The following WFDC8 variants were observed in gnomAD, a reference collection of about 807,000 sequenced individuals.
WFDC8 encodes WAP four-disulfide core domain protein 8.
In WFDC8, 24 loss-of-function variants were observed where a neutral mutation model predicts 27.0. That is an observed-to-expected ratio of 0.89 (90% CI 0.64 to 1.25). The LOEUF (loss-of-function observed/expected upper bound fraction) is 1.25, where lower values mean the gene tolerates loss of function less well. WFDC8 is among the 50% of genes most tolerant of loss of function. The pLI, the probability that WFDC8 is intolerant of heterozygous loss-of-function variation, is 0.00. For missense variants in WFDC8, 287 were observed against 295.9 expected (o/e 0.97, Z 0.22); for synonymous variants, 106 against 99.7 (o/e 1.06, Z -0.38).
chr20:45,553,065 A>G, intron 5 of WFDC8, 71 bp downstream of exon 5: 18 of 1,538,980 alleles, frequency 1.2e-5, no homozygotes, highest in Non-Finnish European at 1.6e-5. Flanking sequence ...GACACCCCCC[A>G]CTCCATGGAG....
At chr20:45,564,781 T>C (rs1314649327) in intron 1 of WFDC8, among the ~76,000 whole-genome samples, 1 of 151,108 alleles carries the variant, frequency 6.6e-6, no homozygotes, top group Non-Finnish European at 1.5e-5. Context: ...AGTCAGTGTT[T>C]CAATGAGCCA....
intron 2 of WFDC8, chr20:45,559,653 T>C (rs894910599): frequency 1.3e-5 from 2 of 152,232 alleles, no homozygotes; most frequent in Non-Finnish European, 2.9e-5. Context: ...AATGGGGTGA[T>C]GTCTATAATG....
intron 5 of WFDC8, among the ~76,000 whole-genome samples, chr20:45,552,579 A>T (rs1337000989): frequency 6.6e-6 from 1 of 152,208 alleles, no homozygotes; most frequent in Non-Finnish European, 1.5e-5. Flanking sequence ...AAGTAGGTTG[A>T]AAAGCCTTGG....
chr20:45,565,048 G>T (rs1376100468), intron 1 of WFDC8, among the ~76,000 whole-genome samples: 26 of 146,898 alleles, frequency 1.8e-4, no homozygotes, highest in Non-Finnish European at 3.6e-4. Flanking sequence ...AGAAAGGAAG[G>T]AAGGAAGAAG....
At chr20:45,554,091 C>T (rs967609005) in intron 4 of WFDC8, among the ~76,000 whole-genome samples, 1 of 152,076 alleles carries the variant, frequency 6.6e-6, no homozygotes, top group East Asian at 1.9e-4. Flanking sequence ...GGTGGGAATA[C>T]CTCCTCAAGT....
At chr20:45,562,412 G>T (rs1980506101) in intron 1 of WFDC8, among the ~76,000 whole-genome samples, 193 bp from the exon 2 acceptor site, 1 of 152,156 alleles carries the variant, frequency 6.6e-6, no homozygotes, top group Admixed American at 6.5e-5. Flanking sequence ...TCCGTTTCAG[G>T]ACCCTGACCA....
At chr20:45,560,713 C>T (rs1980436797) in intron 2 of WFDC8, among the ~76,000 whole-genome samples, 1 of 152,194 alleles carries the variant, frequency 6.6e-6, no homozygotes, top group Admixed American at 6.5e-5. Flanking sequence ...ACTTCAGGAG[C>T]CCCACGTCTT....
In WFDC8 at chr20:45,565,776, G is replaced by A. The variant is rs549700138; in HGVS notation, c.27-3557C>T. ...GATTCAGGAGTGTGATAGTTGCCAC[G>A]GGGATGTAGATTAAGACATTGATTT... On this transcript the variant is annotated intron_variant, in intron 1 of 5. Transcript: ENST00000289953. Among the ~76,000 whole-genome samples, 3 of 152,258 alleles carry A rather than the reference G, an allele frequency of 2.0e-5. No individual in the cohort carries two copies. In the East Asian group the frequency reaches 5.8e-4, roughly 29 times the overall value.
chr20:45,563,922 A>G (rs1980555178), intron 1 of WFDC8, among the ~76,000 whole-genome samples: 1 of 152,230 alleles, frequency 6.6e-6, no homozygotes, highest in African/African-American at 2.4e-5. Context: ...AGAATTGCCA[A>G]ACATAATAGA....
intron 1 of WFDC8, among the ~76,000 whole-genome samples, chr20:45,574,914 T>C (rs1459329764): frequency 6.6e-6 from 1 of 152,188 alleles, no homozygotes; most frequent in African/African-American, 2.4e-5. Flanking sequence ...TTAACAGAAT[T>C]AGTGATATAA....
In WFDC8 at chr20:45,569,453, A is replaced by C. The variant is rs565040687; in HGVS notation, c.27-7234T>G. ...TATTATTATATCATTGAAATAACAA[A>C]TGGATTTTAAAAATTAATTCATAAG... On this transcript the variant is annotated intron_variant, in intron 1 of 5. Transcript: ENST00000289953. Among the ~76,000 whole-genome samples the C allele has an allele frequency of 1.4e-3, 210 of 152,340 alleles. 1 individual carries two copies. The highest frequency in any genetic ancestry group is 4.0e-3 in the African/African-American group (166 of 41,578).
At position 45,568,580 on chromosome 20, in the gene WFDC8, G is replaced by A. The variant is rs1600897004; in HGVS notation, c.27-6361C>T. 3.2e-5 allele frequency: 16 copies of A among 504,446 alleles called. No homozygotes were observed. In the East Asian group the frequency reaches 4.1e-4, roughly 13 times the overall value. The allele number at this position is 504,446 out of a possible 1,614,324, so 31.2% of individuals were successfully genotyped here. A position where few individuals can be genotyped will look rare whatever the true frequency, so the allele number is the denominator to read the frequency against. On this transcript the variant is annotated intron_variant, in intron 1 of 5. Coordinates refer to ENST00000289953, the MANE Select transcript of WFDC8 (RefSeq NM_130896.3). ...ATGCCCAACACTATCTCCAGTCACA[G>A]TCCAGCCAATACCATAGCTTTATAT...
chr20:45,574,653 C>G (rs1980983756), intron 1 of WFDC8, among the ~76,000 whole-genome samples: 1 of 152,082 alleles, frequency 6.6e-6, no homozygotes, highest in African/African-American at 2.4e-5. Context: ...AAAAAATTAG[C>G]CAGGCATGGT....
chr20:45,557,374 T>A (rs1359996457), intron 3 of WFDC8, among the ~76,000 whole-genome samples: 3 of 152,198 alleles, frequency 2.0e-5, no homozygotes, highest in African/African-American at 7.2e-5. Context: ...GGCAAAAATA[T>A]GTTGATTGTA....
intron 5 of WFDC8, among the ~76,000 whole-genome samples, chr20:45,552,503 G>A (rs1357860622): frequency 6.6e-6 from 1 of 152,180 alleles, no homozygotes; most frequent in African/African-American, 2.4e-5. Flanking sequence ...CAAATTGTAG[G>A]CATTGAGGCG....
intron 3 of WFDC8, among the ~76,000 whole-genome samples, chr20:45,557,434 G>T (rs1391448467): frequency 6.6e-6 from 1 of 151,150 alleles, no homozygotes; most frequent in African/African-American, 2.4e-5. Context: ...ATTTTCTTTT[G>T]TTTTTTTTTG....
rs78363134 is a variant in WFDC8 at position 45,555,993 on chromosome 20, GA to G, written c.278-126del. On this transcript the variant is annotated intron_variant, in intron 3 of 5. Coordinates refer to ENST00000289953, the MANE Select transcript of WFDC8 (RefSeq NM_130896.3). ...AGTCATAAAAGGAGCCATGGCAGGGGAAAAAAAAAGGCATAGGTTCTGGTCC... is the reference window on the plus strand; with the variant it reads ...AGTCATAAAAGGAGCCATGGCAGGGGAAAAAAAAGGCATAGGTTCTGGTCC... 768 of 887,974 alleles carry G rather than the reference GA, an allele frequency of 8.6e-4. 1 individual carries two copies. The highest frequency in any genetic ancestry group is 3.5e-3 in the African/African-American group (205 of 58,532). The allele number at this position is 887,974 out of a possible 1,614,324, so 55.0% of individuals were successfully genotyped here.
At chr20:45,561,634 AT>A in intron 2 of WFDC8, among the ~76,000 whole-genome samples, 1 of 151,356 alleles carries the variant, frequency 6.6e-6, no homozygotes, top group Admixed American at 6.6e-5. Context: ...TCAGCACCTG[AT>A]CTCACCCCTT....
chr20:45,576,473 C>T (rs1981050537), intron 1 of WFDC8, among the ~76,000 whole-genome samples: 1 of 151,126 alleles, frequency 6.6e-6, no homozygotes, highest in African/African-American at 2.4e-5. Context: ...GATCTTGGCT[C>T]ACTCCAACCT....
Sources: gnomAD v4.1 joint callset for allele counts (sites outside exome capture counted in the v4.1 genomes callset) on GRCh38, gnomAD v4.1.1 for gene constraint, MANE v1.5 for transcripts, NCBI Gene and HGNC (gene_info 2026-07-23, HGNC 2026-07-21) for gene names.